MRTFA: variants seen among roughly 807,000 people sequenced by gnomAD.
The protein encoded by MRTFA is myocardin-related transcription factor A.
In MRTFA, 20 loss-of-function variants were observed where a neutral mutation model predicts 83.5. The ratio of observed to expected loss-of-function variants is 0.24; its 90% CI spans 0.17 to 0.35. MRTFA has a LOEUF of 0.35. Among genes scored for constraint, MRTFA ranks in the 10% least tolerant of loss-of-function variants. The pLI is 1.00. For synonymous variants in MRTFA, 659 were observed against 541.2 expected, an observed-to-expected ratio of 1.22 and a Z score of -3.02; for missense variants, 1,200 against 1,224.7, an observed-to-expected ratio of 0.98 and a Z score of 0.30.
intron 2 of MRTFA, among the ~76,000 whole-genome samples, chr22:40,572,640 T>C (rs1392103139): frequency 2.0e-5 from 3 of 152,138 alleles, no homozygotes; most frequent in Non-Finnish European, 4.4e-5. Context: ...TACCTGAGAC[T>C]GGGAAGAAAA....
At chr22:40,536,079 C>G (rs1182763735) in intron 3 of MRTFA, among the ~76,000 whole-genome samples, 1 of 150,310 alleles carries the variant, frequency 6.7e-6, no homozygotes, top group Non-Finnish European at 1.5e-5. Flanking sequence ...TGGGTTGAAA[C>G]TAGAAGTTAG....
intron 3 of MRTFA, among the ~76,000 whole-genome samples, chr22:40,535,284 A>G (rs921744661): frequency 7.3e-5 from 11 of 151,566 alleles, no homozygotes; most frequent in African/African-American, 2.7e-4. Context: ...TAAAAGGTTG[A>G]GAAGATTGAG....
intron 3 of MRTFA, among the ~76,000 whole-genome samples, chr22:40,548,342 G>A (rs2055396927): frequency 9.6e-6 from 1 of 104,130 alleles, no homozygotes; most frequent in African/African-American, 4.0e-5. Flanking sequence ...CTGGGTGACA[G>A]AGCAAGACTC....
At position 40,424,300 on chromosome 22, in the gene MRTFA, G is replaced by A; in HGVS notation, c.683C>T (p.Pro228Leu). The A allele has an allele frequency of 6.2e-7, 1 of 1,612,716 alleles. No individual in the cohort carries two copies. The highest frequency in any genetic ancestry group is 8.5e-7 in the Non-Finnish European group (1 of 1,179,464). The change falls in exon 8 of 15, where the codon CCT (proline) becomes CTT (leucine). Residue 228 changes from proline to leucine, a missense_variant. Coordinates refer to ENST00000355630, the MANE Select transcript of MRTFA (RefSeq NM_020831.6). Reference sequence around the variant, plus strand: ...AGAACCCTGGGACTCATGGCTGGCAGGCTGCTCGGGGGATAAGGCATCGCT... The same window carrying A: ...AGAACCCTGGGACTCATGGCTGGCAAGCTGCTCGGGGGATAAGGCATCGCT...
intron 9 of MRTFA, among the ~76,000 whole-genome samples, 198 bp downstream of exon 9, chr22:40,423,338 G>A (rs572245777): frequency 7.0e-4 from 107 of 152,292 alleles, no homozygotes; most frequent in Admixed American, 1.2e-3. Context: ...CCAGCCCATA[G>A]CCACGAATAA....
rs995552456 is a variant in MRTFA at position 40,459,786 on chromosome 22, C to T, written c.307+3435G>A. Among the ~76,000 whole-genome samples, 346 of 87,526 alleles carry T rather than the reference C, an allele frequency of 4.0e-3. 1 individual carries two copies. The highest frequency in any genetic ancestry group is 0.028 in the Middle Eastern group (6 of 212). The allele number at this position is 87,526 out of a possible 152,430, so 57.4% of individuals were successfully genotyped here. On this transcript the variant is annotated intron_variant, in intron 4 of 14. Coordinates refer to ENST00000355630, the MANE Select transcript of MRTFA (RefSeq NM_020831.6). ...GGGGACGGGACTGATAAAATATACA[C>T]ACACACACACACACACACACACACA...
intron 1 of MRTFA, among the ~76,000 whole-genome samples, chr22:40,635,913 A>G (rs1237285806): frequency 6.6e-6 from 1 of 152,202 alleles, no homozygotes; most frequent in Non-Finnish European, 1.5e-5. Flanking sequence ...AGGTACCCGA[A>G]GCGGGGAGGG....
Position 40,411,506 on chromosome 22 carries a change from A to G in MRTFA, c.2980T>C (p.Ser994Pro). 6.2e-7 allele frequency: 1 copy of G among 1,611,578 alleles called. No individual in the cohort carries two copies. Among genetic ancestry groups the G allele is most frequent in the Non-Finnish European group, 8.5e-7 (1 of 1,178,192 alleles). The change falls in exon 15 of 15, where the codon TCG becomes CCG. Residue 994 changes from serine (S) to proline (P), a missense_variant. By Grantham distance (74) the Ser-to-Pro change is moderately conservative. This residue lies in a region of MRTFA where 1,107 missense variants were observed against 1,041.8 expected (regional missense o/e 1.06). Transcript: ENST00000355630. ...AGGCTCAGCACGGGACCACCTGACG[A>G]CAGCTCCAGCCAGTCCATGCTGTCC...
At chr22:40,421,367 G>T (rs1212600935) in intron 9 of MRTFA, among the ~76,000 whole-genome samples, 1 of 152,170 alleles carries the variant, frequency 6.6e-6, no homozygotes, top group Non-Finnish European at 1.5e-5. Context: ...ACATCACCAT[G>T]ACCCCAAGCA....
At chr22:40,464,932 T>A (rs921664398) in intron 3 of MRTFA, among the ~76,000 whole-genome samples, 1 of 152,186 alleles carries the variant, frequency 6.6e-6, no homozygotes. Context: ...CCTGCCATGT[T>A]TTCCCATGCT....
intron 3 of MRTFA, among the ~76,000 whole-genome samples, chr22:40,473,381 A>C (rs1220896651): frequency 6.6e-6 from 1 of 151,856 alleles, no homozygotes; most frequent in Non-Finnish European, 1.5e-5. Context: ...CTGGTATCGA[A>C]CTCCTGGGCT....
At chr22:40,607,372 TGG>T (rs2056330363) in intron 1 of MRTFA, among the ~76,000 whole-genome samples, 1 of 151,928 alleles carries the variant, frequency 6.6e-6, no homozygotes, top group Non-Finnish European at 1.5e-5. Flanking sequence ...GGCATGCTGG[TGG>T]GCGCCTATAG....
At chr22:40,431,345 G>C (rs1258378058) in intron 6 of MRTFA, 60 bp downstream of exon 6, 1 of 1,475,374 alleles carries the variant, frequency 6.8e-7, no homozygotes, top group Non-Finnish European at 9.5e-7. Context: ...GGGTAGTGCA[G>C]TAGTGAGTAC....
At chr22:40,490,596 CT>C (rs2054256655) in intron 3 of MRTFA, among the ~76,000 whole-genome samples, 1 of 138,196 alleles carries the variant, frequency 7.2e-6, no homozygotes, top group South Asian at 2.3e-4. Flanking sequence ...GAGATTCCAT[CT>C]CAAAAAAAAA....
intron 2 of MRTFA, among the ~76,000 whole-genome samples, chr22:40,591,779 G>T (rs2147378359): frequency 6.6e-6 from 1 of 152,260 alleles, no homozygotes; most frequent in South Asian, 2.1e-4. Context: ...CCATAAAAAG[G>T]AAGTGGCCAA....
intron 4 of MRTFA, among the ~76,000 whole-genome samples, chr22:40,458,873 T>A (rs1438789035): frequency 3.3e-5 from 5 of 151,732 alleles, no homozygotes; most frequent in Non-Finnish European, 5.9e-5. Flanking sequence ...AGGTCAGGAG[T>A]TCGAGACCAC....
rs1054331246 is a variant in MRTFA at position 40,514,901 on chromosome 22, T to C, written c.241+37205A>G. Reference sequence around the variant, plus strand: ...AATGGTTTCTCCTCAATTTCTCCAATATTTCTTCCTTTTTTTTTTTTTTTT... The same window carrying C: ...AATGGTTTCTCCTCAATTTCTCCAACATTTCTTCCTTTTTTTTTTTTTTTT... On this transcript the variant is annotated intron_variant, in intron 3 of 14. Transcript: ENST00000355630. Among the ~76,000 whole-genome samples, 4 of 150,170 alleles carry C rather than the reference T, an allele frequency of 2.7e-5. No individual in the cohort carries two copies. The East Asian group carries it at 8.0e-4, about 30-fold the overall frequency.
At chr22:40,470,861 A>G (rs536193319) in intron 3 of MRTFA, among the ~76,000 whole-genome samples, 1 of 152,144 alleles carries the variant, frequency 6.6e-6, no homozygotes, top group African/African-American at 2.4e-5. Context: ...AGGCAGGAGA[A>G]TCACTTGAAC....
At chr22:40,507,293 C>T (rs1465870032) in intron 3 of MRTFA, among the ~76,000 whole-genome samples, 1 of 151,852 alleles carries the variant, frequency 6.6e-6, no homozygotes, top group African/African-American at 2.4e-5. Context: ...CCTGAGAGTT[C>T]GAGGCTGCAG....
Sources: gnomAD v4.1 joint callset for allele counts (sites outside exome capture counted in the v4.1 genomes callset) on GRCh38, gnomAD v4.1.1 for gene constraint, gnomAD v4.1.1 regional missense constraint, MANE v1.5 for transcripts, NCBI Gene and HGNC (gene_info 2026-07-23, HGNC 2026-07-21) for gene names.